Variants in WNK3 observed in about 807,000 individuals in gnomAD.
WNK3 encodes the protein serine/threonine-protein kinase WNK3.
A neutral mutation model predicts 116.7 loss-of-function variants in WNK3; 18 were observed. That is an observed-to-expected ratio of 0.15 (90% CI 0.11 to 0.23). The LOEUF (loss-of-function observed/expected upper bound fraction) is 0.23. WNK3 is among the 10% of genes least tolerant of loss of function. The pLI is 1.00. For synonymous variants in WNK3, 404 were observed against 469.4 expected, an observed-to-expected ratio of 0.86 and a Z score of 1.80; for missense variants, 993 against 1,323.8, an observed-to-expected ratio of 0.75 and a Z score of 3.88.
chrX:54,229,840 C>A (rs911631294), intron 21 of WNK3, among the ~76,000 whole-genome samples: 1 of 111,244 alleles, frequency 9.0e-6, no homozygotes, highest in African/African-American at 3.3e-5. Flanking sequence ...AAGAACCTCA[C>A]CCAAAACCTC....
exon 11 of WNK3, chrX:54,259,322 A>T (rs1447919909): frequency 8.4e-7 from 1 of 1,194,633 alleles, no homozygotes; most frequent in East Asian, 3.0e-5. Flanking sequence ...TTCAGCTCCA[A>T]CTGGTTGGGA....
chrX:54,340,609 T>TA (rs1373920990), intron 1 of WNK3, among the ~76,000 whole-genome samples: 4 of 103,401 alleles, frequency 3.9e-5, no homozygotes, highest in African/African-American at 1.5e-4. Context: ...GGACCCTGAG[T>TA]AAAAATAAAA....
intron 10 of WNK3, among the ~76,000 whole-genome samples, chrX:54,271,119 C>T (rs2147020426): frequency 9.0e-6 from 1 of 111,332 alleles, no homozygotes; most frequent in East Asian, 2.8e-4. Flanking sequence ...AGATCCATAC[C>T]AAGACATATA....
chrX:54,239,202 T>TA (rs1557151033), intron 17 of WNK3, 103 bp from the exon 18 acceptor site: 103 of 521,489 alleles, frequency 2.0e-4, no homozygotes, highest in Middle Eastern at 6.5e-4. Flanking sequence ...GGTGAAGCTT[T>TA]TAAAAAAAAA....
At chrX:54,326,292 G>A (rs2069103958) in intron 2 of WNK3, among the ~76,000 whole-genome samples, 1 of 110,745 alleles carries the variant, frequency 9.0e-6, no homozygotes, top group Non-Finnish European at 1.9e-5. Context: ...AGATTTCACT[G>A]TGTTAGCCAG....
chrX:54,334,403 TCTA>T (rs2069208435), intron 1 of WNK3, among the ~76,000 whole-genome samples: 3 of 111,470 alleles, frequency 2.7e-5, no homozygotes, highest in African/African-American at 9.8e-5. Context: ...CCTGGTAACT[TCTA>T]CTTTCTGTCT....
chrX:54,302,757 A>ATATT (rs1557167848), intron 5 of WNK3, among the ~76,000 whole-genome samples: 19 of 43,369 alleles, frequency 4.4e-4, no homozygotes, highest in African/African-American at 1.4e-3. Flanking sequence ...ATATATATAT[A>ATATT]TTTTTTTTTT....
At chrX:54,210,307 C>T (rs1436165542) in intron 22 of WNK3, among the ~76,000 whole-genome samples, 4 of 112,098 alleles carry the variant, frequency 3.6e-5, no homozygotes, top group Admixed American at 9.5e-5. Flanking sequence ...CTTAAGAAGA[C>T]ATGACCATTT....
intron 4 of WNK3, among the ~76,000 whole-genome samples, chrX:54,308,442 AG>A (rs1438097462): frequency 1.8e-5 from 2 of 111,254 alleles, no homozygotes; most frequent in Non-Finnish European, 3.8e-5. Context: ...CACCCGCCTC[AG>A]GCTCCCAAAG....
intron 22 of WNK3, among the ~76,000 whole-genome samples, chrX:54,209,186 C>T (rs2067586226): frequency 9.0e-6 from 1 of 111,221 alleles, no homozygotes; most frequent in East Asian, 2.8e-4. Flanking sequence ...GTTAGGTTGG[C>T]TCTATTCTGT....
intron 10 of WNK3, among the ~76,000 whole-genome samples, chrX:54,270,457 T>G (rs1235865359): frequency 2.0e-5 from 2 of 99,445 alleles, no homozygotes; most frequent in East Asian, 6.4e-4. Flanking sequence ...CAGGCTGGAG[T>G]GCAATGGCGT....
rs9781077 is a variant in WNK3 at position 54,232,133 on chromosome X, A to G, written c.4840+676T>C. 4.3e-3 allele frequency among the ~76,000 whole-genome samples: 446 copies of G among 103,263 alleles called. 3 individuals are homozygous for G. Among genetic ancestry groups the G allele is most frequent in the African/African-American group, 0.011 (300 of 27,544 alleles). 89.7% of individuals were successfully genotyped at this position (103,263 alleles called of 115,157 possible). On this transcript the variant is annotated intron_variant, in intron 21 of 23. Coordinates refer to ENST00000354646, the Ensembl canonical transcript of WNK3. ...TGTGTGTATATATATATATATATAT[A>G]TATGTATGTATGTATGTATGTATTT...
chrX:54,274,778 G>A (rs1481737855), intron 10 of WNK3, among the ~76,000 whole-genome samples: 1 of 110,952 alleles, frequency 9.0e-6, no homozygotes, highest in Non-Finnish European at 1.9e-5. Flanking sequence ...GGTTGATGCA[G>A]GAGGACTGCT....
At chrX:54,215,130 A>C (rs531531457) in intron 22 of WNK3, among the ~76,000 whole-genome samples, 3 of 106,673 alleles carry the variant, frequency 2.8e-5, no homozygotes, top group Admixed American at 2.0e-4. Flanking sequence ...AAAAAAAAAA[A>C]AAAAAAAAAC....
chrX:54,202,276 C>T, intron 22 of WNK3, 83 bp from the exon 23 acceptor site: 2 of 914,856 alleles, frequency 2.2e-6, no homozygotes, highest in Middle Eastern at 2.9e-4. Flanking sequence ...GCCAACAAAG[C>T]AGTTAACAGA....
chrX:54,294,464 A>G, intron 8 of WNK3, 89 bp downstream of exon 8: 1 of 710,338 alleles, frequency 1.4e-6, no homozygotes, highest in Admixed American at 4.3e-5. Context: ...GAAACAAAAT[A>G]GGTCATTGAC....
intron 23 of WNK3, among the ~76,000 whole-genome samples, chrX:54,201,478 C>A (rs1409054297): frequency 8.9e-6 from 1 of 112,130 alleles, no homozygotes; most frequent in African/African-American, 3.2e-5. Flanking sequence ...CTTATCAGAT[C>A]TAAGAATATT....
exon 8 of WNK3, chrX:54,294,646 T>A: frequency 8.3e-7 from 1 of 1,208,624 alleles, no homozygotes; most frequent in African/African-American, 1.7e-5. Context: ...TCAGCCCCAG[T>A]TTGCTGAGCG....
intron 4 of WNK3, among the ~76,000 whole-genome samples, chrX:54,308,817 C>T (rs2068854841): frequency 1.8e-5 from 2 of 111,800 alleles, no homozygotes; most frequent in South Asian, 7.4e-4. Context: ...TATTGGCAAA[C>T]TTTTCTGTTA....
Sources: allele counts gnomAD v4.1 joint callset (sites outside exome capture counted in the v4.1 genomes callset), GRCh38; gene constraint gnomAD v4.1.1; transcripts MANE v1.5; gene names NCBI Gene and HGNC (gene_info 2026-07-23, HGNC 2026-07-21).